The following FAM220A variants were observed in gnomAD, a reference collection of about 807,000 sequenced individuals.
FAM220A encodes the protein family with sequence similarity 220 member A.
For synonymous variants in FAM220A, 141 were observed against 130.7 expected, an observed-to-expected ratio of 1.08 and a Z score of -0.54; for missense variants, 392 against 321.6, an observed-to-expected ratio of 1.22 and a Z score of -1.68.
At chr7:6,345,789 G>A (rs570440455) in intron 1 of FAM220A, among the ~76,000 whole-genome samples, 3 of 151,608 alleles carry the variant, frequency 2.0e-5, no homozygotes, top group Non-Finnish European at 4.4e-5. Context: ...ATTTTTTTGA[G>A]ACAGAGTCTC....
intron 1 of FAM220A, among the ~76,000 whole-genome samples, chr7:6,339,897 C>T (rs536184893): frequency 2.0e-4 from 30 of 149,550 alleles, no homozygotes; most frequent in African/African-American, 7.1e-4. Flanking sequence ...ACTGACTTTC[C>T]GCAGGGAGCA....
At chr7:6,332,265 C>A (rs190424832) in intron 1 of FAM220A, among the ~76,000 whole-genome samples, 2 of 152,006 alleles carry the variant, frequency 1.3e-5, no homozygotes, top group East Asian at 1.9e-4. Flanking sequence ...TGTCATTTGC[C>A]CAAAACCTTA....
Position 6,330,980 on chromosome 7 carries a change from C to T in FAM220A, c.175G>A (p.Glu59Lys), listed in dbSNP as rs369794490. Residue 59 changes from glutamate to lysine, a missense_variant, in exon 2 of 2, where the codon GAG (glutamate) becomes AAG (lysine). Coordinates refer to ENST00000313324, the MANE Select transcript of FAM220A (RefSeq NM_001037163.2). The stretch of plus-strand genomic sequence containing the variant: ...TTTCTCATTTCCAGTGATAATGCCT[C>T]ACTTTGTGAATTTCCATCAACCACA... ...KPVVDGNSQS[E>K]ALSLEMRKDP... The T allele has an allele frequency of 6.2e-7, 1 of 1,614,238 alleles. No individual in the cohort carries two copies. The highest frequency in any genetic ancestry group is 2.2e-5 in the East Asian group (1 of 44,890).
intron 1 of FAM220A, among the ~76,000 whole-genome samples, chr7:6,334,397 A>G (rs897689664): frequency 6.6e-6 from 1 of 151,586 alleles, no homozygotes. Flanking sequence ...TTAGCTGGGC[A>G]TGGTGGAGCA....
chr7:6,342,596 C>G (rs897551643), intron 1 of FAM220A, among the ~76,000 whole-genome samples: 1 of 152,090 alleles, frequency 6.6e-6, no homozygotes, highest in Non-Finnish European at 1.5e-5. Flanking sequence ...TCCAGCAATT[C>G]TGCTCTAAGT....
Position 6,331,109 on chromosome 7 carries a change from G to T in FAM220A, c.46C>A (p.Gln16Lys). Reference sequence around the variant, plus strand: ...TCCGAGTCACCTCCTCCGGCCTGCTGCACTTGTGCCAGGCAGGTGCCGAGG... The same window carrying T: ...TCCGAGTCACCTCCTCCGGCCTGCTTCACTTGTGCCAGGCAGGTGCCGAGG... ...GPLGTCLAQV[Q>K]QAGGGDSDKL... The change falls in exon 2 of 2, where the codon CAG becomes AAG. Residue 16 changes from glutamine (Q) to lysine (K), a missense_variant. Physicochemically the swap from Gln to Lys is moderately conservative, Grantham distance 53. Coordinates refer to ENST00000313324, the MANE Select transcript of FAM220A (RefSeq NM_001037163.2). The T allele has an allele frequency of 6.2e-7, 1 of 1,613,344 alleles. No individual in the cohort carries two copies. The highest frequency in any genetic ancestry group is 1.1e-5 in the South Asian group (1 of 91,088).
rs1035100865 is a variant in FAM220A at position 6,348,867 on chromosome 7, G to C, written c.-376C>G. ...CAGGGAGCGAAGGAGGCGGCGGCTA[G>C]ACCGGCGGGCGGGCGGGCCGCAGTG... On this transcript the variant is annotated 5_prime_UTR_variant, in exon 1 of 2. Coordinates refer to ENST00000313324, the MANE Select transcript of FAM220A (RefSeq NM_001037163.2). The C allele has an allele frequency of 7.7e-6, 3 of 389,218 alleles. No individual in the cohort carries two copies. Among genetic ancestry groups the C allele is most frequent in the Non-Finnish European group, 9.1e-6 (2 of 220,514 alleles). 24.1% of individuals were successfully genotyped at this position (389,218 alleles called of 1,614,324 possible).
intron 1 of FAM220A, 122 bp downstream of exon 1, chr7:6,348,451 A>C (rs564188848): frequency 1.2e-3 from 482 of 397,538 alleles, no homozygotes; most frequent in Non-Finnish European, 1.9e-3. Flanking sequence ...CGCACGGGAA[A>C]ATGCACGGTG....
Position 6,331,165 on chromosome 7 carries a change from C to T in FAM220A, c.-11G>A, listed in dbSNP as rs370630640. 64 of 1,605,494 alleles carry T rather than the reference C, an allele frequency of 4.0e-5. No individual in the cohort carries two copies. In the Middle Eastern group the frequency reaches 8.4e-4, roughly 21 times the overall value. ...TCTTCTGTCCCTCATGCTTCGTGTTCTTGGATGCGGTGGGCCTGAGGTCAC... is the reference window on the plus strand; with the variant it reads ...TCTTCTGTCCCTCATGCTTCGTGTTTTTGGATGCGGTGGGCCTGAGGTCAC... On this transcript the variant is annotated 5_prime_UTR_variant, in exon 2 of 2. Transcript: ENST00000313324.
At chr7:6,331,374 GCTGGTTTTGAA>G (rs1781631747) in intron 1 of FAM220A, 139 bp from the exon 2 acceptor site, 2 of 606,192 alleles carry the variant, frequency 3.3e-6, no homozygotes, top group Admixed American at 3.2e-5. Flanking sequence ...TATTGGTAAG[GCTGGTTTTGAA>G]CTCCTGACCT....
Position 6,348,926 on chromosome 7 carries a change from C to T in FAM220A, c.-435G>A. 1 of 383,796 alleles carries T rather than the reference C, an allele frequency of 2.6e-6. No individual in the cohort carries two copies. Among genetic ancestry groups the T allele is most frequent in the Non-Finnish European group, 4.6e-6 (1 of 217,298 alleles). The allele number at this position is 383,796 out of a possible 1,614,324, so 23.8% of individuals were successfully genotyped here. A position where few individuals can be genotyped will look rare whatever the true frequency, so the allele number is the denominator to read the frequency against. ...TCCGCACGTCACGCTCGGAGAAGTG[C>T]CTCCGCGAGCAGCCGCCTGTACCAG... On this transcript the variant is annotated 5_prime_UTR_variant, in exon 1 of 2. Transcript: ENST00000313324.
At chr7:6,348,249 G>A (rs569762651) in intron 1 of FAM220A, among the ~76,000 whole-genome samples, 4 of 147,584 alleles carry the variant, frequency 2.7e-5, no homozygotes, top group Non-Finnish European at 4.5e-5. Flanking sequence ...GGGTTGCAAA[G>A]TTTGGGAACT....
chr7:6,332,582 C>G (rs1482675901), intron 1 of FAM220A, among the ~76,000 whole-genome samples: 2 of 152,130 alleles, frequency 1.3e-5, no homozygotes, highest in Non-Finnish European at 2.9e-5. Context: ...GCTATAGTCC[C>G]AGATTCTCAG....
chr7:6,336,982 G>C (rs531618515), intron 1 of FAM220A, among the ~76,000 whole-genome samples: 16 of 151,970 alleles, frequency 1.1e-4, no homozygotes, highest in Non-Finnish European at 1.9e-4. Flanking sequence ...CATTTATTTT[G>C]CTGATGAAAA....
At chr7:6,344,745 T>C (rs757226284) in intron 1 of FAM220A, among the ~76,000 whole-genome samples, 5 of 151,910 alleles carry the variant, frequency 3.3e-5, no homozygotes, top group Non-Finnish European at 7.4e-5. Flanking sequence ...TTAAATTTTA[T>C]TATTATTTTT....
intron 1 of FAM220A, among the ~76,000 whole-genome samples, chr7:6,338,094 A>G (rs949984492): frequency 1.5e-4 from 23 of 152,260 alleles, no homozygotes; most frequent in African/African-American, 5.3e-4. Context: ...GTGAGCCACT[A>G]TGCCCAGCCA....
chr7:6,332,697 C>T (rs1781661310), intron 1 of FAM220A, among the ~76,000 whole-genome samples: 1 of 151,740 alleles, frequency 6.6e-6, no homozygotes, highest in African/African-American at 2.4e-5. Context: ...CAGACCCTGT[C>T]TCAAAAAATA....
intron 1 of FAM220A, among the ~76,000 whole-genome samples, chr7:6,341,687 CAA>C (rs536695454): frequency 2.1e-4 from 23 of 110,668 alleles, no homozygotes; most frequent in Non-Finnish European, 1.7e-4. Context: ...AAGACTCTGT[CAA>C]AAAAAAAAAA....
chr7:6,337,855 G>C (rs989306206), intron 1 of FAM220A, among the ~76,000 whole-genome samples: 1 of 151,428 alleles, frequency 6.6e-6, no homozygotes, highest in Admixed American at 6.6e-5. Flanking sequence ...CCAGGCTGGA[G>C]TGCAGTGGTG....
Sources: allele counts gnomAD v4.1 joint callset (sites outside exome capture counted in the v4.1 genomes callset), GRCh38; gene constraint gnomAD v4.1.1; transcripts MANE v1.5; gene names NCBI Gene and HGNC (gene_info 2026-07-23, HGNC 2026-07-21).